Variants in GNAS-AS1 observed in about 807,000 individuals in gnomAD.
GNAS-AS1 encodes the protein GNAS antisense RNA 1 (non-protein coding).
intron 4 of GNAS-AS1, among the ~76,000 whole-genome samples, chr20:58,819,828 C>A (rs1178323061): frequency 6.6e-6 from 1 of 152,196 alleles, no homozygotes; most frequent in Non-Finnish European, 1.5e-5. Flanking sequence ...CTGGTCCCAA[C>A]CTTTGTCACG....
Position 58,840,799 on chromosome 20 carries a change from G to C in GNAS-AS1, n.819+1138C>G. The C allele has an allele frequency of 6.2e-7, 1 of 1,612,302 alleles. No individual in the cohort carries two copies. Among genetic ancestry groups the C allele is most frequent in the Non-Finnish European group, 8.5e-7 (1 of 1,179,956 alleles). On this transcript the variant is annotated intron_variant and non_coding_transcript_variant, in intron 4 of 4. Transcript: ENST00000424094. This position sits in a 1 kb window ranked among gnomAD's most constrained non-coding sequence, Gnocchi z 6.0. ...AGCCCACCCGCCGTGACGCGTCCCCGGAGTCCCCTTCCAAAAAGGGACCCA... is the reference window on the plus strand; with the variant it reads ...AGCCCACCCGCCGTGACGCGTCCCCCGAGTCCCCTTCCAAAAAGGGACCCA...
At chr20:58,837,154 C>A (rs1410079261) in intron 4 of GNAS-AS1, among the ~76,000 whole-genome samples, 1 of 152,018 alleles carries the variant, frequency 6.6e-6, no homozygotes. Context: ...TTTACTAGCA[C>A]CCATATATTC....
intron 2 of GNAS-AS1, chr20:58,842,631 G>T: frequency 2.5e-6 from 1 of 397,514 alleles, no homozygotes; most frequent in Admixed American, 4.4e-5. Context: ...GCTGCGGAAG[G>T]GCTAGGCGTG....
chr20:58,823,486 G>A (rs8126032), intron 4 of GNAS-AS1, among the ~76,000 whole-genome samples: 10,587 of 152,266 alleles, frequency 0.07, 919 homozygotes, highest in African/African-American at 0.21. Flanking sequence ...ACGGGCGCAC[G>A]TGCCTGGAGC....
At chr20:58,824,809 G>C (rs1358191438) in intron 4 of GNAS-AS1, among the ~76,000 whole-genome samples, 2 of 152,196 alleles carry the variant, frequency 1.3e-5, no homozygotes, top group Non-Finnish European at 2.9e-5. Flanking sequence ...TTGATGAAGA[G>C]AGCATTGTAC....
chr20:58,828,010 T>A (rs1050387691), intron 4 of GNAS-AS1, among the ~76,000 whole-genome samples: 5 of 152,178 alleles, frequency 3.3e-5, no homozygotes, highest in African/African-American at 1.2e-4. Flanking sequence ...AGTGTAGACA[T>A]CTTGAAAAAG....
At chr20:58,850,090 A>G (rs2086097435) in intron 1 of GNAS-AS1, among the ~76,000 whole-genome samples, 1 of 152,038 alleles carries the variant, frequency 6.6e-6, no homozygotes, top group Non-Finnish European at 1.5e-5. Context: ...TCCTACCATT[A>G]AATCCTTTGT....
At chr20:58,845,006 C>G (rs367691546) in intron 2 of GNAS-AS1, among the ~76,000 whole-genome samples, 1 of 149,732 alleles carries the variant, frequency 6.7e-6, no homozygotes, top group South Asian at 2.2e-4. Context: ...ACTTAGCCAT[C>G]CTGAGAGTCG....
In GNAS-AS1 at chr20:58,830,330, CCACCACCATCACCACCA is replaced by C. The variant is rs1421663756; in HGVS notation, n.820-11092_820-11076del. Among the ~76,000 whole-genome samples the C allele has an allele frequency of 2.9e-3, 366 of 128,334 alleles. 2 individuals carry two copies. Among genetic ancestry groups the C allele is most frequent in the African/African-American group, 5.7e-3 (183 of 32,348 alleles). The allele number at this position is 128,334 out of a possible 152,430, so 84.2% of individuals were successfully genotyped here. ...CACCACCACCACACCATCATCATCA[CCACCACCATCACCACCA>C]CACCACCATCACCACCACCACAACA... On this transcript the variant is annotated intron_variant and non_coding_transcript_variant, in intron 4 of 4. Transcript: ENST00000424094.
chr20:58,830,276 C>T (rs527947910), intron 4 of GNAS-AS1, among the ~76,000 whole-genome samples: 46 of 146,830 alleles, frequency 3.1e-4, no homozygotes, highest in African/African-American at 9.4e-4. Flanking sequence ...TCACCACCAC[C>T]GCCACACCAC....
intron 2 of GNAS-AS1, among the ~76,000 whole-genome samples, chr20:58,847,800 A>T (rs1214818208): frequency 6.6e-6 from 1 of 152,160 alleles, no homozygotes; most frequent in African/African-American, 2.4e-5. Context: ...GGCTACAGGG[A>T]TAAACCCAGA....
chr20:58,839,296 C>T (rs571375851), intron 4 of GNAS-AS1: 3 of 398,594 alleles, frequency 7.5e-6, no homozygotes, highest in South Asian at 2.5e-4. Context: ...AATGGCTGCC[C>T]GAAGTTACCA....
At chr20:58,839,176 T>C (rs1295717204) in intron 4 of GNAS-AS1, 7 of 398,460 alleles carry the variant, frequency 1.8e-5, no homozygotes. Flanking sequence ...GGGGCCCTTG[T>C]TGAAGAAGAT....
chr20:58,824,472 C>T (rs1414121098), intron 4 of GNAS-AS1, among the ~76,000 whole-genome samples: 1 of 152,268 alleles, frequency 6.6e-6, no homozygotes, highest in African/African-American at 2.4e-5. Flanking sequence ...AGCCTCAAAA[C>T]AACCTCCTTT....
intron 4 of GNAS-AS1, among the ~76,000 whole-genome samples, chr20:58,820,534 G>A (rs116113508): frequency 6.6e-6 from 1 of 152,334 alleles, no homozygotes; most frequent in African/African-American, 2.4e-5. Flanking sequence ...CAAGCCAGAG[G>A]CCTCAGAGAA....
chr20:58,840,560 C>A lies in GNAS-AS1; in HGVS notation n.819+1377G>T. ...CGATCGCGGCCCGGTGGTGCCCAAG[C>A]ACTCCACCTTCGGCCAGTCCCTCAC... On this transcript the variant is annotated intron_variant and non_coding_transcript_variant, in intron 4 of 4. Transcript: ENST00000424094. This position sits in a 1 kb window ranked among gnomAD's most constrained non-coding sequence, Gnocchi z 6.0. The A allele has an allele frequency of 1.2e-6, 2 of 1,613,194 alleles. No individual in the cohort carries two copies. The highest frequency in any genetic ancestry group is 1.7e-6 in the Non-Finnish European group (2 of 1,179,954).
At chr20:58,823,404 A>G (rs1385791499) in intron 4 of GNAS-AS1, among the ~76,000 whole-genome samples, 1 of 152,136 alleles carries the variant, frequency 6.6e-6, no homozygotes, top group East Asian at 1.9e-4. Flanking sequence ...CTGCCCCTAC[A>G]AGGAGAAGGC....
chr20:58,830,759 T>C (rs1482982760), intron 4 of GNAS-AS1, among the ~76,000 whole-genome samples: 1 of 149,918 alleles, frequency 6.7e-6, no homozygotes, highest in Non-Finnish European at 1.5e-5. Context: ...CCACCAGGCA[T>C]AGTCACTGGT....
intron 4 of GNAS-AS1, among the ~76,000 whole-genome samples, chr20:58,830,513 T>TACCA (rs2085557317): frequency 4.8e-4 from 1 of 2,068 alleles, no homozygotes; most frequent in Non-Finnish European, 9.2e-4. Context: ...ACCACCATCA[T>TACCA]CACCACCACA....
Sources: gnomAD v4.1 joint callset for allele counts (sites outside exome capture counted in the v4.1 genomes callset) on GRCh38, gnomAD v4.1.1 for gene constraint, Gnocchi (gnomAD v3.1) non-coding constraint, MANE v1.5 for transcripts, NCBI Gene and HGNC (gene_info 2026-07-23, HGNC 2026-07-21) for gene names.